The following FAM135B variants were observed in gnomAD, a reference collection of about 807,000 sequenced individuals.
FAM135B encodes protein FAM135B.
In FAM135B, 43 loss-of-function variants were observed where a neutral mutation model predicts 127.7. That is an observed-to-expected ratio of 0.34 (90% CI 0.26 to 0.43). The LOEUF is 0.43. FAM135B is among the 20% of genes least tolerant of loss of function. The pLI is 1.00. For missense variants in FAM135B, 1,558 were observed against 1,725.6 expected, an observed-to-expected ratio of 0.90 and a Z score of 1.72; for synonymous variants, 670 against 665.1, an observed-to-expected ratio of 1.01 and a Z score of -0.11.
At chr8:138,283,344 A>G (rs1824416355) in intron 3 of FAM135B, among the ~76,000 whole-genome samples, 1 of 152,146 alleles carries the variant, frequency 6.6e-6, no homozygotes, top group Non-Finnish European at 1.5e-5. Context: ...ACTAATTGAA[A>G]TAAGTCAATC....
At chr8:138,297,698 A>G (rs184761208) in intron 3 of FAM135B, among the ~76,000 whole-genome samples, 3 of 152,314 alleles carry the variant, frequency 2.0e-5, no homozygotes, top group Admixed American at 6.5e-5. Context: ...GAGGATGCTG[A>G]GCAAAGGAAG....
intron 7 of FAM135B, among the ~76,000 whole-genome samples, chr8:138,217,723 G>A (rs1234752826): frequency 6.6e-6 from 1 of 152,156 alleles, no homozygotes; most frequent in African/African-American, 2.4e-5. Context: ...GAGCCACCAT[G>A]CCCGGCCGAT....
Position 138,330,845 on chromosome 8 carries a change from AT to A in FAM135B, c.78-19926del, listed in dbSNP as rs1238818859. 6.8e-3 allele frequency among the ~76,000 whole-genome samples: 975 copies of A among 142,468 alleles called. 3 individuals are homozygous for A. The highest frequency in any genetic ancestry group is 0.012 in the Admixed American group (168 of 14,148). The allele number at this position is 142,468 out of a possible 152,430, so 93.5% of individuals were successfully genotyped here. A position where few individuals can be genotyped will look rare whatever the true frequency, so the allele number is the denominator to read the frequency against. On this transcript the variant is annotated intron_variant, in intron 2 of 19. Transcript: ENST00000395297. ...GTCGGCCACTCTCATATAAATGTAC[AT>A]TTTTTTTTTTTTTGAGATGGAGTTT...
intron 9 of FAM135B, among the ~76,000 whole-genome samples, chr8:138,192,735 C>T (rs188040862): frequency 6.6e-6 from 1 of 152,238 alleles, no homozygotes; most frequent in East Asian, 1.9e-4. Context: ...ACTCAGATCC[C>T]CAAATGCCTG....
At chr8:138,410,595 C>T (rs886141412) in intron 1 of FAM135B, among the ~76,000 whole-genome samples, 4 of 152,118 alleles carry the variant, frequency 2.6e-5, no homozygotes, top group African/African-American at 9.7e-5. Context: ...TACTATCTTA[C>T]ACCAGTCAGA....
At chr8:138,177,310 CT>C (rs779514995) in intron 11 of FAM135B, 36 bp downstream of exon 11, 269 of 1,599,202 alleles carry the variant, frequency 1.7e-4, no homozygotes, top group Non-Finnish European at 2.1e-4. Context: ...TGGGTGGCTG[CT>C]TTTAGGGATG....
intron 9 of FAM135B, among the ~76,000 whole-genome samples, chr8:138,188,069 G>T (rs1164121554): frequency 6.6e-6 from 1 of 152,138 alleles, no homozygotes; most frequent in East Asian, 1.9e-4. Context: ...GTACAGCTGA[G>T]GACGCCTTCA....
At chr8:138,385,180 A>C (rs975912727) in intron 1 of FAM135B, among the ~76,000 whole-genome samples, 1 of 151,960 alleles carries the variant, frequency 6.6e-6, no homozygotes, top group African/African-American at 2.4e-5. Flanking sequence ...GCTGCTCCTC[A>C]ATTTTCCTTA....
chr8:138,407,379 A>C (rs1183292036), intron 1 of FAM135B, among the ~76,000 whole-genome samples: 5 of 152,202 alleles, frequency 3.3e-5, no homozygotes, highest in Non-Finnish European at 5.9e-5. Context: ...GCTACCAATG[A>C]CTTTCTTCAC....
intron 1 of FAM135B, among the ~76,000 whole-genome samples, chr8:138,434,877 C>T (rs1235410198): frequency 6.6e-6 from 1 of 152,172 alleles, no homozygotes; most frequent in African/African-American, 2.4e-5. Flanking sequence ...AGATTGGACA[C>T]CTCTCAGCTC....
intron 6 of FAM135B, among the ~76,000 whole-genome samples, chr8:138,247,246 G>C (rs906100140): frequency 6.6e-6 from 1 of 152,164 alleles, no homozygotes; most frequent in African/African-American, 2.4e-5. Context: ...CATGAGATTT[G>C]GGAAGGATTA....
Position 138,241,362 on chromosome 8 carries a change from T to C in FAM135B, c.669+1580A>G, listed in dbSNP as rs1333636474. 1.3e-5 allele frequency among the ~76,000 whole-genome samples: 2 copies of C among 152,212 alleles called. No homozygotes were observed. Among genetic ancestry groups the C allele is most frequent in the Non-Finnish European group, 2.9e-5 (2 of 68,042 alleles). ...GGAGTCTACCCTGGAACTGGTCTTA[T>C]TTGGCTCTAAAATCTGCTCCTTCCA... On this transcript the variant is annotated intron_variant, in intron 7 of 19. Transcript: ENST00000395297. The surrounding 1 kb of genome is among the most constrained non-coding windows in gnomAD (Gnocchi z 4.8).
intron 1 of FAM135B, among the ~76,000 whole-genome samples, chr8:138,435,890 T>A (rs956985271): frequency 1.3e-5 from 2 of 152,160 alleles, no homozygotes; most frequent in Non-Finnish European, 2.9e-5. Flanking sequence ...GCAATTCCAA[T>A]CATGATTCAA....
intron 10 of FAM135B, among the ~76,000 whole-genome samples, chr8:138,178,251 GAAAAAAA>G (rs112388247): frequency 7.6e-6 from 1 of 132,048 alleles, no homozygotes; most frequent in South Asian, 2.4e-4. Flanking sequence ...CCATCTCAAA[GAAAAAAA>G]AAAAAAAGAA....
At chr8:138,399,131 T>C (rs1833006477) in intron 1 of FAM135B, among the ~76,000 whole-genome samples, 1 of 152,204 alleles carries the variant, frequency 6.6e-6, no homozygotes, top group African/African-American at 2.4e-5. Context: ...AATTAATCCA[T>C]ATGCCTTTTT....
At chr8:138,457,914 TTGCAG>T (rs1714392613) in intron 1 of FAM135B, among the ~76,000 whole-genome samples, 2 of 151,290 alleles carry the variant, frequency 1.3e-5, no homozygotes, top group African/African-American at 4.9e-5. Context: ...GAGGCAAAGC[TTGCAG>T]TGAACTGAGA....
rs558183491 is a variant in FAM135B, at chr8:138,354,571, T to A, written c.77+13336A>T. Among the ~76,000 whole-genome samples, 160 of 152,262 alleles carry A rather than the reference T, an allele frequency of 1.1e-3. 1 individual carries two copies. In the Middle Eastern group the frequency reaches 0.014, roughly 13 times the overall value. On this transcript the variant is annotated intron_variant, in intron 2 of 19. Coordinates refer to ENST00000395297, the MANE Select transcript of FAM135B (RefSeq NM_015912.4). ...GTTTAACTTCCATTTCTGACATCAC[T>A]TTCTTGACTTCCACCTGTCTCTCTT... is the stretch of plus-strand genomic sequence containing the variant.
chr8:138,277,646 G>C (rs2130719195), intron 3 of FAM135B, among the ~76,000 whole-genome samples: 1 of 152,218 alleles, frequency 6.6e-6, no homozygotes, highest in South Asian at 2.1e-4. Context: ...CACACTTATT[G>C]GTGCTGACAC....
intron 1 of FAM135B, among the ~76,000 whole-genome samples, chr8:138,404,547 C>A (rs920752581): frequency 6.6e-6 from 1 of 152,176 alleles, no homozygotes. Context: ...TAACATTTTA[C>A]CCAAAGTAGA....
Sources: gnomAD v4.1 joint callset for allele counts (sites outside exome capture counted in the v4.1 genomes callset) on GRCh38, gnomAD v4.1.1 for gene constraint, Gnocchi (gnomAD v3.1) non-coding constraint, MANE v1.5 for transcripts, NCBI Gene and HGNC (gene_info 2026-07-23, HGNC 2026-07-21) for gene names.